GNA13: variants seen among roughly 807,000 people sequenced by gnomAD.
The protein encoded by GNA13 is G protein subunit alpha 13.
In GNA13, 4 loss-of-function variants were observed where a neutral mutation model predicts 33.5. That is an observed-to-expected ratio of 0.12 (90% CI 0.06 to 0.27). The LOEUF (loss-of-function observed/expected upper bound fraction) is 0.27, where lower values mean the gene tolerates loss of function less well. GNA13 is among the 10% of genes least tolerant of loss of function. The probability of loss-of-function intolerance (pLI) is 1.00; values close to 1 mark genes in which losing one functional copy is unlikely to be tolerated. For missense variants in GNA13, 319 were observed against 487.2 expected, an observed-to-expected ratio of 0.65 and a Z score of 3.25; for synonymous variants, 176 against 183.8, an observed-to-expected ratio of 0.96 and a Z score of 0.34.
chr17:65,037,807 A>AAAACACAAAC, intron 2 of GNA13, among the ~76,000 whole-genome samples: 1 of 149,570 alleles, frequency 6.7e-6, no homozygotes, highest in Non-Finnish European at 1.5e-5. Context: ...AAAAGACAAA[A>AAAACACAAAC]AGACTCTACC....
At chr17:65,036,298 C>G (rs1013561910) in intron 2 of GNA13, among the ~76,000 whole-genome samples, 2 of 152,314 alleles carry the variant, frequency 1.3e-5, no homozygotes, top group Middle Eastern at 6.8e-3. Context: ...CTCCTGTTTC[C>G]AAGTCCCGAT....
rs145727694 is a variant in GNA13, at chr17:65,033,569, A to G, written c.511-15266T>C. Among the ~76,000 whole-genome samples the G allele has an allele frequency of 9.4e-3, 1,431 of 152,272 alleles. 22 individuals carry two copies. The highest frequency in any genetic ancestry group is 0.032 in the African/African-American group (1,345 of 41,564). ...CCAGTCATGCCTTTCTGTTTAGTTC[A>G]GGAGGAGTAAAATGTTCAGTTCATG... On this transcript the variant is annotated intron_variant, in intron 2 of 3. Transcript: ENST00000439174.
chr17:65,029,385 C>A (rs1438033988), intron 2 of GNA13, among the ~76,000 whole-genome samples: 2 of 152,146 alleles, frequency 1.3e-5, no homozygotes, highest in Non-Finnish European at 2.9e-5. Context: ...TACTATTATA[C>A]AGGGAGCAAA....
At chr17:65,023,243 C>T (rs1256325333) in intron 2 of GNA13, among the ~76,000 whole-genome samples, 1 of 152,196 alleles carries the variant, frequency 6.6e-6, no homozygotes, top group African/African-American at 2.4e-5. Context: ...TACTCATGAG[C>T]ATGTACCTTG....
chr17:65,052,407 G>A (rs1907888158), intron 2 of GNA13, among the ~76,000 whole-genome samples: 1 of 152,216 alleles, frequency 6.6e-6, no homozygotes, highest in Non-Finnish European at 1.5e-5. Context: ...ACCCGCCTCA[G>A]ACTCCCAAAG....
intron 1 of GNA13, chr17:65,055,742 G>C: frequency 1.0e-6 from 1 of 985,468 alleles, no homozygotes; most frequent in Non-Finnish European, 1.2e-6. Flanking sequence ...CTACGCCCTT[G>C]ACAAGAAGTC....
chr17:65,042,736 C>CA (rs1015759221), intron 2 of GNA13, among the ~76,000 whole-genome samples: 23 of 150,140 alleles, frequency 1.5e-4, no homozygotes, highest in African/African-American at 3.2e-4. Flanking sequence ...GACTCCATCT[C>CA]AAAAAAAAAG....
intron 2 of GNA13, among the ~76,000 whole-genome samples, chr17:65,047,351 T>C (rs1413865537): frequency 6.6e-6 from 1 of 152,134 alleles, no homozygotes; most frequent in East Asian, 1.9e-4. Context: ...ATCACACCAC[T>C]GCACTCCAGC....
intron 2 of GNA13, among the ~76,000 whole-genome samples, chr17:65,040,030 T>G (rs1462273280): frequency 6.6e-6 from 1 of 152,148 alleles, no homozygotes; most frequent in Non-Finnish European, 1.5e-5. Flanking sequence ...AAATATCACA[T>G]GAACATATTC....
chr17:65,012,285 CCATT>C lies in GNA13; in HGVS notation c.*1968_*1971del. 4.5e-6 allele frequency: 1 copy of C among 223,016 alleles called. No homozygotes were observed. 13.8% of individuals were successfully genotyped at this position (223,016 alleles called of 1,614,324 possible). A position where few individuals can be genotyped will look rare whatever the true frequency, so the allele number is the denominator to read the frequency against. On this transcript the variant is annotated 3_prime_UTR_variant, in exon 4 of 4. Transcript: ENST00000439174. Reference sequence around the variant, plus strand: ...CCCTCACTGGAGTCAAATGTTTTGGCCATTCAATTTGCTAAATGTATGGGTAAAC... The same window carrying C: ...CCCTCACTGGAGTCAAATGTTTTGGCCAATTTGCTAAATGTATGGGTAAAC...
Position 65,014,885 on chromosome 17 carries a change from T to TA in GNA13, c.562-57dup, listed in dbSNP as rs1169099231. ...TTAATCCCGAAGTAATGCGAATTTTTAATGGACTACTAACTGGACTAGTGA... is the reference window on the plus strand; with the variant it reads ...TTAATCCCGAAGTAATGCGAATTTTTAAATGGACTACTAACTGGACTAGTGA... On this transcript the variant is annotated intron_variant, in intron 3 of 3. Coordinates refer to ENST00000439174, the MANE Select transcript of GNA13 (RefSeq NM_006572.6). The surrounding 1 kb of genome is among the most constrained non-coding windows in gnomAD (Gnocchi z 5.3). The TA allele has an allele frequency of 4.0e-6, 4 of 998,100 alleles. No individual in the cohort carries two copies. The highest frequency in any genetic ancestry group is 6.1e-6 in the Non-Finnish European group (4 of 654,134). 61.8% of individuals were successfully genotyped at this position (998,100 alleles called of 1,614,324 possible).
rs1458546028 is a variant in GNA13, at chr17:65,018,284, A to C, written c.530T>G (p.Phe177Cys). The stretch of plus-strand genomic sequence containing the variant: ...TCCAAGTTTATCCAAGTTATCCAGG[A>C]AATATTTTACAGATTCACCCTAAAA... ...EFQLGESVKYFLDNLDKLGEP... is the reference protein window; with the variant it reads ...EFQLGESVKYCLDNLDKLGEP... The change falls in exon 3 of 4, where the codon TTC (phenylalanine) becomes TGC (cysteine). Residue 177 changes from phenylalanine (F) to cysteine (C), a missense_variant. Physicochemically the swap from Phe to Cys is radical, Grantham distance 205. Around this residue, in one of 4 missense-constraint regions of GNA13, gnomAD observed 136 missense variants for 159.3 expected, o/e 0.85. Transcript: ENST00000439174. 6.6e-7 allele frequency: 1 copy of C among 1,523,602 alleles called. No individual in the cohort carries two copies. The highest frequency in any genetic ancestry group is 1.4e-5 in the African/African-American group (1 of 73,176). 94.4% of individuals were successfully genotyped at this position (1,523,602 alleles called of 1,614,324 possible). A position where few individuals can be genotyped will look rare whatever the true frequency, so the allele number is the denominator to read the frequency against.
chr17:65,026,136 A>C (rs1214028874), intron 2 of GNA13, among the ~76,000 whole-genome samples: 2 of 151,882 alleles, frequency 1.3e-5, no homozygotes, highest in African/African-American at 2.4e-5. Flanking sequence ...CTAAAAACCC[A>C]AAAACTATAC....
intron 1 of GNA13, 24 bp from the exon 2 acceptor site, chr17:65,053,752 AATGT>A: frequency 7.0e-7 from 1 of 1,431,036 alleles, no homozygotes; most frequent in Middle Eastern, 1.8e-4. Flanking sequence ...GAAGAAAAAA[AATGT>A]ATGGAGAGGA....
chr17:65,025,805 A>AT (rs1358114939), intron 2 of GNA13, among the ~76,000 whole-genome samples: 2 of 109,730 alleles, frequency 1.8e-5, no homozygotes, highest in Admixed American at 1.0e-4. Flanking sequence ...ACATAGAGAG[A>AT]TCCCATCTCT....
At chr17:65,031,917 A>AGT (rs1423818583) in intron 2 of GNA13, among the ~76,000 whole-genome samples, 6 of 128,182 alleles carry the variant, frequency 4.7e-5, no homozygotes, top group African/African-American at 1.9e-4. Context: ...AGAGAGAGAG[A>AGT]GAGAGTGTGT....
rs1908063331 is a variant in GNA13 at position 65,056,440 on chromosome 17, G to A, written c.154C>T (p.Leu52=). 1 of 1,613,804 alleles carries A rather than the reference G, an allele frequency of 6.2e-7. No homozygotes were observed. Among genetic ancestry groups the A allele is most frequent in the Non-Finnish European group, 8.5e-7 (1 of 1,179,884 alleles). ...KTYVKRLVKI[L]LLGAGESGKS... ...CCGCTCTCGCCCGCGCCCAGCAGCA[G>A]GATCTTCACCAGCCGCTTCACATAG... is the stretch of plus-strand genomic sequence containing the variant. Residue 52 remains leucine (L), a synonymous_variant, in exon 1 of 4, where the codon CTG becomes TTG. Coordinates refer to ENST00000439174, the MANE Select transcript of GNA13 (RefSeq NM_006572.6).
intron 2 of GNA13, among the ~76,000 whole-genome samples, chr17:65,041,907 CACCA>C (rs1371485865): frequency 2.6e-5 from 4 of 152,204 alleles, no homozygotes; most frequent in Non-Finnish European, 4.4e-5. Context: ...TGGTTAGTTT[CACCA>C]ACCATCTATA....
rs1413974508 is a variant in GNA13 at position 65,056,697 on chromosome 17, G to A, written c.-104C>T. 6.1e-6 allele frequency: 5 copies of A among 819,512 alleles called. No homozygotes were observed. Among genetic ancestry groups the A allele is most frequent in the African/African-American group, 1.8e-5 (1 of 54,722 alleles). The allele number at this position is 819,512 out of a possible 1,614,324, so 50.8% of individuals were successfully genotyped here. A position where few individuals can be genotyped will look rare whatever the true frequency, so the allele number is the denominator to read the frequency against. On this transcript the variant is annotated 5_prime_UTR_variant, in exon 1 of 4. Transcript: ENST00000439174. ...CCGAGGCTCGAGGGCGGGGAGCGCG[G>A]CGGCGGCCCGAGCGCGCCCAGGGAG...
Sources: gnomAD v4.1 joint callset for allele counts (sites outside exome capture counted in the v4.1 genomes callset) on GRCh38, gnomAD v4.1.1 for gene constraint, gnomAD v4.1.1 regional missense constraint, Gnocchi (gnomAD v3.1) non-coding constraint, MANE v1.5 for transcripts, NCBI Gene and HGNC (gene_info 2026-07-23, HGNC 2026-07-21) for gene names.